HDAC3: variants seen among roughly 807,000 people sequenced by gnomAD.
The protein encoded by HDAC3 is SMAP45.
A neutral mutation model predicts 62.3 loss-of-function variants in HDAC3; 21 were observed. That is an observed-to-expected ratio of 0.34 (90% confidence interval 0.24 to 0.49). HDAC3 has a LOEUF of 0.49. Ranked by LOEUF, HDAC3 falls within the 20% of genes least tolerant of loss-of-function variation. The pLI, the probability that HDAC3 is intolerant of heterozygous loss-of-function variation, is 0.99. For missense variants in HDAC3, 270 were observed against 556.9 expected, an observed-to-expected ratio of 0.48 and a Z score of 5.19; for synonymous variants, 198 against 206.5, an observed-to-expected ratio of 0.96 and a Z score of 0.35.
In HDAC3 at chr5:141,636,765, T is replaced by C. The variant is rs2154598129; in HGVS notation, c.26A>G (p.Tyr9Cys). 2 of 1,613,888 alleles carry C rather than the reference T, an allele frequency of 1.2e-6. No individual in the cohort carries two copies. Among genetic ancestry groups the C allele is most frequent in the Non-Finnish European group, 1.7e-6 (2 of 1,179,840 alleles). ...GTGGAAGTTGCCCACGTCGGGGTCG[T>C]AGAAATAGGCCACGGTCTTGGCCAT... MAKTVAYF[Y>C]DPDVGNFHYG... Residue 9 changes from tyrosine (Y) to cysteine (C), a missense_variant, in exon 1 of 15, where the codon TAC (tyrosine) becomes TGC (cysteine). By Grantham distance (194) the Tyr-to-Cys change is radical. Transcript: ENST00000305264.
chr5:141,625,273 G>T lies in HDAC3; in HGVS notation c.1152C>A (p.Leu384=), dbSNP rs374647135. Residue 384 remains leucine (L), a synonymous_variant, in exon 14 of 15, where the codon CTC becomes CTA. Coordinates refer to ENST00000305264, the MANE Select transcript of HDAC3 (RefSeq NM_003883.4). The surrounding 1 kb of genome is among the most constrained non-coding windows in gnomAD (Gnocchi z 4.0). The part of the protein sequence containing the change: ...SVQIHDVPAD[L]LTYDRTDEAD... The stretch of plus-strand genomic sequence containing the variant: ...CCTCATCAGTCCTGTCATAGGTCAG[G>T]AGGTCTGCAGGCACGTCATGAATCT... 5.6e-6 allele frequency: 9 copies of T among 1,614,026 alleles called. No homozygotes were observed. Among genetic ancestry groups the T allele is most frequent in the Non-Finnish European group, 7.6e-6 (9 of 1,180,006 alleles).
At chr5:141,636,420 G>C in intron 2 of HDAC3, 128 bp downstream of exon 2, 2 of 784,188 alleles carry the variant, frequency 2.6e-6, no homozygotes, top group South Asian at 3.0e-5. Flanking sequence ...GGTACTCCTG[G>C]TGACTTCTAT....
chr5:141,630,226 A>C, intron 3 of HDAC3, 101 bp from the exon 4 acceptor site: 1 of 1,120,850 alleles, frequency 8.9e-7, no homozygotes, highest in Non-Finnish European at 1.3e-6. Context: ...ATTTTTCAAG[A>C]ACCTTCTCTC....
chr5:141,625,151 C>CT lies in HDAC3; in HGVS notation c.1217+56dup. The CT allele has an allele frequency of 6.6e-7, 1 of 1,520,084 alleles. No homozygotes were observed. The highest frequency in any genetic ancestry group is 8.8e-7 in the Non-Finnish European group (1 of 1,134,016). The allele number at this position is 1,520,084 out of a possible 1,614,324, so 94.2% of individuals were successfully genotyped here. ...TAATACCTTCCCATTTACTTTTTCC[C>CT]TTTTAAACCTCCCCAGCAAGCCTAT... On this transcript the variant is annotated intron_variant, in intron 14 of 14. Coordinates refer to ENST00000305264, the MANE Select transcript of HDAC3 (RefSeq NM_003883.4). The surrounding 1 kb of genome is among the most constrained non-coding windows in gnomAD (Gnocchi z 4.0).
chr5:141,630,373 C>T (rs201094273), intron 3 of HDAC3, among the ~76,000 whole-genome samples: 149 of 152,274 alleles, frequency 9.8e-4, no homozygotes, highest in Admixed American at 1.8e-3. Flanking sequence ...ATCCTAGCTG[C>T]GGAAAGAAGC....
Position 141,628,153 on chromosome 5 carries a change from C to T in HDAC3, c.726G>A (p.Gln242=). The part of the protein sequence containing the change: ...YKHLFQPVIN[Q]VVDFYQPTCI... Reference sequence around the variant, plus strand: ...ACGTGGGTTGGTAGAAGTCCACTACCTGGTTGATAACCGGCTGGAAAAGGT... The same window carrying T: ...ACGTGGGTTGGTAGAAGTCCACTACTTGGTTGATAACCGGCTGGAAAAGGT... Residue 242 remains glutamine, a synonymous_variant, in exon 9 of 15, where the codon CAG becomes CAA. Coordinates refer to ENST00000305264, the MANE Select transcript of HDAC3 (RefSeq NM_003883.4). This position sits in a 1 kb window ranked among gnomAD's most constrained non-coding sequence, Gnocchi z 4.7. 6.2e-7 allele frequency: 1 copy of T among 1,614,186 alleles called. No homozygotes were observed. Among genetic ancestry groups the T allele is most frequent in the East Asian group, 2.2e-5 (1 of 44,884 alleles).
Position 141,625,115 on chromosome 5 carries a change from G to T in HDAC3, c.1217+93C>A. On this transcript the variant is annotated intron_variant, in intron 14 of 14. Transcript: ENST00000305264. The surrounding 1 kb of genome is among the most constrained non-coding windows in gnomAD (Gnocchi z 4.0). ...AGCAGACTAAAGGAGGTAAGCCAGA[G>T]GCAATTAAACTAATACCTTCCCATT... is the stretch of plus-strand genomic sequence containing the variant. 2 of 1,146,568 alleles carry T rather than the reference G, an allele frequency of 1.7e-6. No individual in the cohort carries two copies. The highest frequency in any genetic ancestry group is 1.2e-6 in the Non-Finnish European group (1 of 812,144). The allele number at this position is 1,146,568 out of a possible 1,614,324, so 71.0% of individuals were successfully genotyped here. A position where few individuals can be genotyped will look rare whatever the true frequency, so the allele number is the denominator to read the frequency against.
At chr5:141,622,773 T>A (rs1468388271) in intron 14 of HDAC3, among the ~76,000 whole-genome samples, 1 of 152,132 alleles carries the variant, frequency 6.6e-6, no homozygotes, top group African/African-American at 2.4e-5. Context: ...GAGAATCAGG[T>A]TGAATCTCAG....
intron 3 of HDAC3, among the ~76,000 whole-genome samples, chr5:141,634,218 C>T (rs1459758704): frequency 6.6e-6 from 1 of 152,154 alleles, no homozygotes; most frequent in Admixed American, 6.5e-5. Flanking sequence ...CTTCCCTCTA[C>T]TCTACGGGTA....
rs551996737 is a variant in HDAC3, at chr5:141,628,884, T to C, written c.611-245A>G. On this transcript the variant is annotated intron_variant, in intron 7 of 14. Coordinates refer to ENST00000305264, the MANE Select transcript of HDAC3 (RefSeq NM_003883.4). The surrounding 1 kb of genome is among the most constrained non-coding windows in gnomAD (Gnocchi z 4.7). ...CGAATGGAACTAATGAAATTTACGA[T>C]ATCCCACCACGCTTATATTCTTAGG... Among the ~76,000 whole-genome samples, 2 of 152,308 alleles carry C rather than the reference T, an allele frequency of 1.3e-5. No homozygotes were observed. The highest frequency in any genetic ancestry group is 3.9e-4 in the East Asian group (2 of 5,188).
At chr5:141,635,013 C>T in intron 2 of HDAC3, 60 bp from the exon 3 acceptor site, 2 of 1,574,626 alleles carry the variant, frequency 1.3e-6, no homozygotes, top group Non-Finnish European at 1.7e-6. Flanking sequence ...CAGGCTCAGA[C>T]CACCCATACT....
chr5:141,625,630 T>C lies in HDAC3; in HGVS notation c.1059+55A>G. The stretch of plus-strand genomic sequence containing the variant: ...TCCTACTTCCCACATCTTTGACCTC[T>C]CCTGGGCTCCACCTTTCAGGAGAAG... On this transcript the variant is annotated intron_variant, in intron 13 of 14. Transcript: ENST00000305264. The surrounding 1 kb of genome is among the most constrained non-coding windows in gnomAD (Gnocchi z 4.0). 6.5e-7 allele frequency: 1 copy of C among 1,544,760 alleles called. No individual in the cohort carries two copies. The highest frequency in any genetic ancestry group is 9.0e-7 in the Non-Finnish European group (1 of 1,116,808).
At position 141,629,751 on chromosome 5, in the gene HDAC3, C is replaced by T. The variant is rs1174650450; in HGVS notation, c.421-12G>A. ...CAGAAGCCAGAGGCCTATGGCAAGA[C>T]AGTGGTCTCATAAAGAGAAGAGCAA... On this transcript the variant is annotated splice_polypyrimidine_tract_variant and intron_variant, in intron 5 of 14. Coordinates refer to ENST00000305264, the MANE Select transcript of HDAC3 (RefSeq NM_003883.4). The surrounding 1 kb of genome is among the most constrained non-coding windows in gnomAD (Gnocchi z 5.3). 3.1e-6 allele frequency: 5 copies of T among 1,614,026 alleles called. No homozygotes were observed. The highest frequency in any genetic ancestry group is 3.4e-6 in the Non-Finnish European group (4 of 1,179,954).
Position 141,629,514 on chromosome 5 carries a change from T to A in HDAC3, c.476+170A>T. ...GGGATATGCAGAGAAGGCTGAAATG[T>A]GAGCAGGCAGTAGGGAATCTGCAGC... On this transcript the variant is annotated intron_variant, in intron 6 of 14. Coordinates refer to ENST00000305264, the MANE Select transcript of HDAC3 (RefSeq NM_003883.4). This position sits in a 1 kb window ranked among gnomAD's most constrained non-coding sequence, Gnocchi z 5.3. 1 of 892,500 alleles carries A rather than the reference T, an allele frequency of 1.1e-6. No individual in the cohort carries two copies. The highest frequency in any genetic ancestry group is 1.6e-5 in the South Asian group (1 of 64,104). 55.3% of individuals were successfully genotyped at this position (892,500 alleles called of 1,614,324 possible). A position where few individuals can be genotyped will look rare whatever the true frequency, so the allele number is the denominator to read the frequency against.
At chr5:141,630,718 T>G (rs557529418) in intron 3 of HDAC3, among the ~76,000 whole-genome samples, 17 of 152,184 alleles carry the variant, frequency 1.1e-4, no homozygotes, top group Non-Finnish European at 1.9e-4. Flanking sequence ...TATGTAACAT[T>G]CTGGAAAAGG....
At chr5:141,623,141 A>T (rs1045025100) in intron 14 of HDAC3, among the ~76,000 whole-genome samples, 5 of 152,060 alleles carry the variant, frequency 3.3e-5, no homozygotes, top group Admixed American at 6.5e-5. Flanking sequence ...AGAAAGAAAG[A>T]AAGTTACTTA....
Position 141,630,034 on chromosome 5 carries a change from A to C in HDAC3, c.363+10T>G. On this transcript the variant is annotated intron_variant, in intron 4 of 14. Coordinates refer to ENST00000305264, the MANE Select transcript of HDAC3 (RefSeq NM_003883.4). ...GAGGAAAGGAAGAACAGGACTCGGGACTATGTCACCTTGTTGTTCAGCTGG... is the reference window on the plus strand; with the variant it reads ...GAGGAAAGGAAGAACAGGACTCGGGCCTATGTCACCTTGTTGTTCAGCTGG... 1 of 1,614,120 alleles carries C rather than the reference A, an allele frequency of 6.2e-7. No homozygotes were observed. Among genetic ancestry groups the C allele is most frequent in the Non-Finnish European group, 8.5e-7 (1 of 1,179,964 alleles).
Position 141,625,219 on chromosome 5 carries a change from C to T in HDAC3, c.1206G>A (p.Glu402=), listed in dbSNP as rs2099904285. 7.5e-6 allele frequency: 12 copies of T among 1,608,554 alleles called. No homozygotes were observed. Among genetic ancestry groups the T allele is most frequent in the Non-Finnish European group, 9.3e-6 (11 of 1,178,780 alleles). Reference sequence around the variant, plus strand: ...CCCTGCTCCCAGACCTGCTATAGTTCTCCTCAGGACCCCTCTCCTCTGCAT... The same window carrying T: ...CCCTGCTCCCAGACCTGCTATAGTTTTCCTCAGGACCCCTCTCCTCTGCAT... The part of the protein sequence containing the change: ...EADAEERGPE[E]NYSRPEAPNE... Residue 402 remains glutamate, a synonymous_variant, in exon 14 of 15, where the codon GAG becomes GAA. Coordinates refer to ENST00000305264, the MANE Select transcript of HDAC3 (RefSeq NM_003883.4). The surrounding 1 kb of genome is among the most constrained non-coding windows in gnomAD (Gnocchi z 4.0).
Position 141,629,974 on chromosome 5 carries a change from C to T in HDAC3, c.364-58G>A. 2 of 1,613,238 alleles carry T rather than the reference C, an allele frequency of 1.2e-6. No individual in the cohort carries two copies. The highest frequency in any genetic ancestry group is 1.1e-5 in the South Asian group (1 of 91,052). ...CTGCCCACCCCTCAAGCTGGGAGCC[C>T]AGGATCAGGGTTAAATCCCGAGTCC... On this transcript the variant is annotated intron_variant, in intron 4 of 14. Coordinates refer to ENST00000305264, the MANE Select transcript of HDAC3 (RefSeq NM_003883.4). This position sits in a 1 kb window ranked among gnomAD's most constrained non-coding sequence, Gnocchi z 5.3.
Sources: gnomAD v4.1 joint callset for allele counts (sites outside exome capture counted in the v4.1 genomes callset) on GRCh38, gnomAD v4.1.1 for gene constraint, Gnocchi (gnomAD v3.1) non-coding constraint, MANE v1.5 for transcripts, NCBI Gene and HGNC (gene_info 2026-07-23, HGNC 2026-07-21) for gene names.